The following RTP3 variants were observed in gnomAD, a reference collection of about 807,000 sequenced individuals.
RTP3 encodes the protein receptor transporter protein 3.
RTP3 carries 2 observed loss-of-function variants against 6.2 expected under a neutral mutation model. The ratio of observed to expected loss-of-function variants is 0.32; its 90% CI spans 0.13 to 1.02. The LOEUF (loss-of-function observed/expected upper bound fraction) is 1.02, where lower values mean the gene tolerates loss of function less well. Among genes scored for constraint, RTP3 ranks in the 50% least tolerant of loss-of-function variants. The pLI is 0.47. For synonymous variants in RTP3, 106 were observed against 98.3 expected (o/e 1.08, Z -0.47); for missense variants, 252 against 280.8 (o/e 0.90, Z 0.73).
Position 46,498,007 on chromosome 3 carries a change from A to G in RTP3, c.-56A>G, listed in dbSNP as rs1703667021. 6.2e-7 allele frequency: 1 copy of G among 1,600,322 alleles called. No individual in the cohort carries two copies. The highest frequency in any genetic ancestry group is 8.6e-7 in the Non-Finnish European group (1 of 1,168,478). Reference sequence around the variant, plus strand: ...AGTCAGAAACCTCATCTCCCACTACAGACCTGCCAGGGCCCAGGAGAGCTC... The same window carrying G: ...AGTCAGAAACCTCATCTCCCACTACGGACCTGCCAGGGCCCAGGAGAGCTC... On this transcript the variant is annotated 5_prime_UTR_variant, in exon 1 of 2. Transcript: ENST00000296142.
intron 1 of RTP3, among the ~76,000 whole-genome samples, chr3:46,498,898 C>T (rs1429896755): frequency 6.6e-6 from 1 of 152,230 alleles, no homozygotes; most frequent in African/African-American, 2.4e-5. Flanking sequence ...AGGCCAGGAG[C>T]TGCCATAGGG....
intron 1 of RTP3, among the ~76,000 whole-genome samples, chr3:46,499,972 C>T (rs1052649853): frequency 6.6e-6 from 1 of 152,146 alleles, no homozygotes; most frequent in Non-Finnish European, 1.5e-5. Flanking sequence ...CCATTTGAAT[C>T]TACATTTGAA....
intron 1 of RTP3, among the ~76,000 whole-genome samples, chr3:46,499,212 C>T (rs1703679389): frequency 6.6e-6 from 1 of 152,262 alleles, no homozygotes; most frequent in Non-Finnish European, 1.5e-5. Flanking sequence ...TCACCACCTG[C>T]AGCCTAATTT....
intron 1 of RTP3, among the ~76,000 whole-genome samples, chr3:46,498,558 T>C (rs1480838672): frequency 6.6e-6 from 1 of 152,116 alleles, no homozygotes; most frequent in African/African-American, 2.4e-5. Context: ...CTAGGGAGAC[T>C]GCTGGACCCA....
At position 46,500,485 on chromosome 3, in the gene RTP3, G is replaced by A; in HGVS notation, c.285G>A (p.Lys95=). The change falls in exon 2 of 2, where the codon AAG becomes AAA. Residue 95 remains lysine, a synonymous_variant. Coordinates refer to ENST00000296142, the MANE Select transcript of RTP3 (RefSeq NM_031440.2). Reference sequence around the variant, plus strand: ...GGGTGTTTACCCAGAGATGTAAGAAGTGCCCCCAACCTCTGTTTGAGGACC... The same window carrying A: ...GGGTGTTTACCCAGAGATGTAAGAAATGCCCCCAACCTCTGTTTGAGGACC... The part of the protein sequence containing the change: ...KMRVFTQRCK[K]CPQPLFEDPE... The A allele has an allele frequency of 1.2e-6, 2 of 1,614,238 alleles. No homozygotes were observed. Among genetic ancestry groups the A allele is most frequent in the Non-Finnish European group, 1.7e-6 (2 of 1,180,042 alleles).
chr3:46,500,501 T>C lies in RTP3; in HGVS notation c.301T>C (p.Phe101Leu). ...QRCKKCPQPL[F>L]EDPEFTQENI... ...ATGTAAGAAGTGCCCCCAACCTCTG[T>C]TTGAGGACCCTGAGTTCACACAAGA... The change falls in exon 2 of 2, where the codon TTT becomes CTT. Residue 101 changes from phenylalanine (F) to leucine (L), a missense_variant. Phe to Leu is a conservative substitution (Grantham distance 22). Coordinates refer to ENST00000296142, the MANE Select transcript of RTP3 (RefSeq NM_031440.2). The C allele has an allele frequency of 6.2e-7, 1 of 1,614,162 alleles. No homozygotes were observed. The highest frequency in any genetic ancestry group is 8.5e-7 in the Non-Finnish European group (1 of 1,180,028).
chr3:46,499,657 T>A (rs7430431), intron 1 of RTP3, among the ~76,000 whole-genome samples: 2 of 152,034 alleles, frequency 1.3e-5, no homozygotes, highest in African/African-American at 2.4e-5. Context: ...TTATCTTGTA[T>A]CCTGTCTGAA....
In RTP3 at chr3:46,500,693, C is replaced by T. The variant is rs1295531614; in HGVS notation, c.493C>T (p.Pro165Ser). The part of the protein sequence containing the change: ...EACLQGFCAG[P>S]IQVTSLPPSQ... ...ATGTCTGCAGGGCTTCTGTGCTGGG[C>T]CCATACAGGTTACAAGCCTCCCCCC... Residue 165 changes from proline to serine, a missense_variant, in exon 2 of 2, where the codon CCC becomes TCC. Transcript: ENST00000296142. The T allele has an allele frequency of 6.2e-7, 1 of 1,613,698 alleles. No individual in the cohort carries two copies. The highest frequency in any genetic ancestry group is 8.5e-7 in the Non-Finnish European group (1 of 1,179,800).
In RTP3 at chr3:46,498,126, T is replaced by G. The variant is rs1238499306; in HGVS notation, c.64T>G (p.Trp22Gly). ...GGAGTTAATGCGGGAGGTGAAGCCA[T>G]GGCACAGGTGGACCCTGAGACCAGA... ...FQELMREVKP[W>G]HRWTLRPDKG... Residue 22 changes from tryptophan to glycine, a missense_variant, in exon 1 of 2, where the codon TGG becomes GGG. Trp to Gly is a radical substitution (Grantham distance 184, BLOSUM62 -2). Coordinates refer to ENST00000296142, the MANE Select transcript of RTP3 (RefSeq NM_031440.2). The G allele has an allele frequency of 1.2e-6, 2 of 1,614,212 alleles. No homozygotes were observed. Among genetic ancestry groups the G allele is most frequent in the South Asian group, 2.2e-5 (2 of 91,084 alleles).
In RTP3 at chr3:46,498,266, C is replaced by T. The variant is rs1297362293; in HGVS notation, c.155+49C>T. 3 of 1,602,336 alleles carry T rather than the reference C, an allele frequency of 1.9e-6. No individual in the cohort carries two copies. The South Asian group carries it at 3.3e-5, about 18-fold the overall frequency. The stretch of plus-strand genomic sequence containing the variant: ...CGTTCCAGAAAATTCTTGCACATTT[C>T]TTACTAGGTATACCTGTTACTTTTC... On this transcript the variant is annotated intron_variant, in intron 1 of 1. Coordinates refer to ENST00000296142, the MANE Select transcript of RTP3 (RefSeq NM_031440.2).
chr3:46,497,992 C>G lies in RTP3; in HGVS notation c.-71C>G. ...GTCCTTGCCCTCTGAAGTCAGAAAC[C>G]TCATCTCCCACTACAGACCTGCCAG... On this transcript the variant is annotated 5_prime_UTR_variant, in exon 1 of 2. Transcript: ENST00000296142. 2 of 1,554,254 alleles carry G rather than the reference C, an allele frequency of 1.3e-6. No homozygotes were observed. The highest frequency in any genetic ancestry group is 1.8e-6 in the Non-Finnish European group (2 of 1,129,188).
Position 46,500,824 on chromosome 3 carries a change from T to C in RTP3, c.624T>C (p.Cys208=). The C allele has an allele frequency of 6.2e-7, 1 of 1,611,922 alleles. No homozygotes were observed. The part of the protein sequence containing the change: ...VYSYACQNHI[C]RNLSIFCCCV... ...CCTACGCATGCCAAAACCACATCTG[T>C]AGGAACTTAAGCATTTTCTGCTGTT... is the stretch of plus-strand genomic sequence containing the variant. Residue 208 remains cysteine, a synonymous_variant, in exon 2 of 2, where the codon TGT becomes TGC. Transcript: ENST00000296142.
At position 46,500,655 on chromosome 3, in the gene RTP3, A is replaced by G; in HGVS notation, c.455A>G (p.Asp152Gly). 2 of 1,614,090 alleles carry G rather than the reference A, an allele frequency of 1.2e-6. No individual in the cohort carries two copies. Among genetic ancestry groups the G allele is most frequent in the Non-Finnish European group, 1.7e-6 (2 of 1,179,990 alleles). The change falls in exon 2 of 2, where the codon GAC becomes GGC. Residue 152 changes from aspartate (D) to glycine (G), a missense_variant. By Grantham distance (94) the Asp-to-Gly change is moderately conservative. Coordinates refer to ENST00000296142, the MANE Select transcript of RTP3 (RefSeq NM_031440.2). ...TCTCTTGAAGGGCCACACAATAGTGACAACTGTGAGGCATGTCTGCAGGGC... is the reference window on the plus strand; with the variant it reads ...TCTCTTGAAGGGCCACACAATAGTGGCAACTGTGAGGCATGTCTGCAGGGC... The part of the protein sequence containing the change: ...DISLEGPHNS[D>G]NCEACLQGFC...
chr3:46,499,894 C>G (rs1486220566), intron 1 of RTP3, among the ~76,000 whole-genome samples: 1 of 152,180 alleles, frequency 6.6e-6, no homozygotes, highest in Non-Finnish European at 1.5e-5. Flanking sequence ...TCAACACCCA[C>G]CTATAGGCAT....
intron 1 of RTP3, among the ~76,000 whole-genome samples, chr3:46,498,469 T>G (rs1575335804): frequency 6.7e-6 from 1 of 148,160 alleles, no homozygotes; most frequent in African/African-American, 2.5e-5. Context: ...TCTGTGGGGG[T>G]GGGGAGAGGG....
intron 1 of RTP3, 134 bp downstream of exon 1, chr3:46,498,351 G>A: frequency 1.0e-6 from 1 of 998,368 alleles, no homozygotes; most frequent in Non-Finnish European, 1.5e-6. Flanking sequence ...CATCATCCAA[G>A]AAGTTGTAAC....
In RTP3 at chr3:46,498,039, C is replaced by A; in HGVS notation, c.-24C>A. 6.2e-7 allele frequency: 1 copy of A among 1,613,862 alleles called. No homozygotes were observed. On this transcript the variant is annotated 5_prime_UTR_variant, in exon 1 of 2. Coordinates refer to ENST00000296142, the MANE Select transcript of RTP3 (RefSeq NM_031440.2). ...CCAGGGCCCAGGAGAGCTCGACCCA[C>A]CCAGGCACACCATAGCCCCAGAGAT...
At position 46,500,380 on chromosome 3, in the gene RTP3, TA is replaced by T. The variant is rs1348966702; in HGVS notation, c.182del (p.Asn61ThrfsTer13). On this transcript the variant is annotated frameshift_variant, in exon 2 of 2. Transcript: ENST00000296142. LOFTEE classifies it low-confidence loss of function (END_TRUNC). ...ARFQCSSCSR[N>X]WASAQVLVLF... ...GGTTCCAGTGCTCCTCCTGCTCTCG[TA>T]ACTGGGCCTCTGCCCAAGTTCTGGT... 1 of 1,612,530 alleles carries T rather than the reference TA, an allele frequency of 6.2e-7. No individual in the cohort carries two copies. Among genetic ancestry groups the T allele is most frequent in the Non-Finnish European group, 8.5e-7 (1 of 1,179,494 alleles).
chr3:46,498,274 G>T (rs534069807), intron 1 of RTP3, 57 bp downstream of exon 1: 1 of 1,582,088 alleles, frequency 6.3e-7, no homozygotes, highest in East Asian at 2.2e-5. Flanking sequence ...TTCTTACTAG[G>T]TATACCTGTT....
Sources: gnomAD v4.1 joint callset for allele counts (sites outside exome capture counted in the v4.1 genomes callset) on GRCh38, gnomAD v4.1.1 for gene constraint, MANE v1.5 for transcripts, NCBI Gene and HGNC (gene_info 2026-07-23, HGNC 2026-07-21) for gene names.